COL27A1: variants seen among roughly 807,000 people sequenced by gnomAD.
COL27A1 encodes the protein collagen type XXVII alpha 1 chain.
A neutral mutation model predicts 251.3 loss-of-function variants in COL27A1; 106 were observed. That is an observed-to-expected ratio of 0.42 (90% confidence interval 0.36 to 0.50). The LOEUF is 0.50. Ranked by LOEUF, COL27A1 falls within the 20% of genes least tolerant of loss-of-function variation. COL27A1 has a pLI of 0.00. For synonymous variants in COL27A1, 1,000 were observed against 986.3 expected, an observed-to-expected ratio of 1.01 and a Z score of -0.26; for missense variants, 2,325 against 2,522.8, an observed-to-expected ratio of 0.92 and a Z score of 1.68.
chr9:114,179,185 A>T (rs1027995768), intron 4 of COL27A1, among the ~76,000 whole-genome samples: 4 of 152,226 alleles, frequency 2.6e-5, no homozygotes, highest in Admixed American at 6.5e-5. Context: ...GCATATTTTT[A>T]GCTCTGAGCC....
At chr9:114,300,989 C>T in intron 51 of COL27A1, 83 bp from the exon 52 acceptor site, 1 of 1,378,042 alleles carries the variant, frequency 7.3e-7, no homozygotes, top group South Asian at 1.4e-5. Context: ...CCTTGCGACG[C>T]TCGGGCTGCC....
At position 114,196,024 on chromosome 9, in the gene COL27A1, T is replaced by C; in HGVS notation, c.2124+12T>C. 1 of 1,613,516 alleles carries C rather than the reference T, an allele frequency of 6.2e-7. No individual in the cohort carries two copies. ...CTCCGGGACGAAAGGTACTGTTTGG[T>C]TTTGATGCTTTGCCTTGCGCAGTGG... On this transcript the variant is annotated intron_variant, in intron 7 of 60. Coordinates refer to ENST00000356083, the MANE Select transcript of COL27A1 (RefSeq NM_032888.4).
At chr9:114,216,535 C>G (rs1375087597) in intron 12 of COL27A1, among the ~76,000 whole-genome samples, 1 of 152,140 alleles carries the variant, frequency 6.6e-6, no homozygotes, top group East Asian at 1.9e-4. Context: ...AGGGATGAGG[C>G]AAGGTAGTGG....
chr9:114,284,670 C>A lies in COL27A1; in HGVS notation c.3934-54C>A, dbSNP rs1827333361. ...GTATCCCCATCTTGGAGTCCATGTC[C>A]TTTGTCCTTCCTGAGTCCTCATTCT... is the stretch of plus-strand genomic sequence containing the variant. On this transcript the variant is annotated intron_variant, in intron 40 of 60. Coordinates refer to ENST00000356083, the MANE Select transcript of COL27A1 (RefSeq NM_032888.4). 40 of 1,589,236 alleles carry A rather than the reference C, an allele frequency of 2.5e-5. 2 individuals carry two copies. In the South Asian group the frequency reaches 4.1e-4, roughly 16 times the overall value.
rs1827688098 is a variant in COL27A1 at position 114,288,698 on chromosome 9, T to C, written c.4045-4T>C. The C allele has an allele frequency of 6.2e-7, 1 of 1,608,274 alleles. No homozygotes were observed. Among genetic ancestry groups the C allele is most frequent in the Admixed American group, 1.7e-5 (1 of 59,744 alleles). ...CAAATTTTGCTGTTGTCTTTGTCAT[T>C]CAGGGCCCTGTGGGTGATCGAGGAG... On this transcript the variant is annotated splice_region_variant and splice_polypyrimidine_tract_variant and intron_variant, in intron 42 of 60. Transcript: ENST00000356083.
intron 27 of COL27A1, among the ~76,000 whole-genome samples, chr9:114,253,321 G>GAAAGAAAGAAAGAAAGAAAGAA (rs1564527551): frequency 1.0e-5 from 1 of 96,250 alleles, no homozygotes; most frequent in Admixed American, 9.5e-5. Flanking sequence ...GAAAGAAAGA[G>GAAAGAAAGAAAGAAAGAAAGAA]AGAGGAAGGG....
At chr9:114,208,371 C>T (rs1420373866) in intron 10 of COL27A1, among the ~76,000 whole-genome samples, 1 of 152,218 alleles carries the variant, frequency 6.6e-6, no homozygotes, top group East Asian at 1.9e-4. Context: ...ATCGCTTGAA[C>T]CCGGTAAGCA....
chr9:114,252,517 C>T, intron 25 of COL27A1, 76 bp from the exon 26 acceptor site: 1 of 1,258,620 alleles, frequency 7.9e-7, no homozygotes, highest in Non-Finnish European at 1.2e-6. Context: ...CTCTGGATGG[C>T]CCTCTGCACC....
intron 5 of COL27A1, among the ~76,000 whole-genome samples, chr9:114,184,595 C>G (rs906961332): frequency 2.6e-5 from 4 of 152,200 alleles, no homozygotes; most frequent in African/African-American, 9.6e-5. Flanking sequence ...CCTGGAGGTG[C>G]TCTGGGCTTT....
intron 12 of COL27A1, among the ~76,000 whole-genome samples, chr9:114,214,141 C>G (rs1176454304): frequency 6.6e-6 from 1 of 152,188 alleles, no homozygotes; most frequent in Non-Finnish European, 1.5e-5. Flanking sequence ...GTCTGCCATG[C>G]CTCTCAGCCT....
chr9:114,194,259 G>A (rs1476915487), intron 5 of COL27A1, 145 bp from the exon 6 acceptor site: 1 of 788,368 alleles, frequency 1.3e-6, no homozygotes, highest in South Asian at 1.4e-5. Flanking sequence ...AGTAGAATTG[G>A]AGAAGACCCT....
chr9:114,194,917 C>A (rs1024850458), intron 6 of COL27A1, among the ~76,000 whole-genome samples: 1 of 152,212 alleles, frequency 6.6e-6, no homozygotes, highest in South Asian at 2.1e-4. Flanking sequence ...TCAGGGCTCC[C>A]TAACTCTGAA....
In COL27A1 at chr9:114,275,620, T is replaced by A. The variant is rs181114470; in HGVS notation, c.3610-41T>A. The A allele has an allele frequency of 7.2e-5, 100 of 1,388,758 alleles. No homozygotes were observed. In the African/African-American group the frequency reaches 1.3e-3, roughly 18 times the overall value. 86.0% of individuals were successfully genotyped at this position (1,388,758 alleles called of 1,614,324 possible). ...CCTCTGATGCACTTGGCAACTAACT[T>A]ATTCTCTCTCTCTCTCCCCTCTTCA... On this transcript the variant is annotated intron_variant, in intron 36 of 60. Transcript: ENST00000356083.
At chr9:114,264,179 G>A (rs556339926) in intron 28 of COL27A1, among the ~76,000 whole-genome samples, 176 bp from the exon 29 acceptor site, 3 of 152,320 alleles carry the variant, frequency 2.0e-5, no homozygotes, top group East Asian at 1.9e-4. Flanking sequence ...GAGCTGTCTC[G>A]AAGGCGCTGC....
chr9:114,159,150 C>A (rs1203840485), intron 1 of COL27A1, among the ~76,000 whole-genome samples: 1 of 152,156 alleles, frequency 6.6e-6, no homozygotes, highest in East Asian at 1.9e-4. Flanking sequence ...CTGTAATAGG[C>A]CTTCAGGGCT....
rs1554786437 is a variant in COL27A1, at chr9:114,166,444, T to TATCCATCCATCCGTCCGTCC, written c.134-1233_134-1232insGTCCGTCCATCCATCCATCC. ...CCATTCATCCATCCATCCATTCATC[T>TATCCATCCATCCGTCCGTCC]ATCCATCCATCCATCCATCCATCCA... On this transcript the variant is annotated intron_variant, in intron 2 of 60. Coordinates refer to ENST00000356083, the MANE Select transcript of COL27A1 (RefSeq NM_032888.4). 9.2e-5 allele frequency among the ~76,000 whole-genome samples: 13 copies of TATCCATCCATCCGTCCGTCC among 140,858 alleles called. 1 individual carries two copies. Among genetic ancestry groups the TATCCATCCATCCGTCCGTCC allele is most frequent in the Non-Finnish European group, 2.0e-4 (13 of 65,226 alleles). 92.4% of individuals were successfully genotyped at this position (140,858 alleles called of 152,430 possible).
At chr9:114,278,643 T>G (rs1835715000) in intron 37 of COL27A1, among the ~76,000 whole-genome samples, 1 of 150,050 alleles carries the variant, frequency 6.7e-6, no homozygotes, top group Non-Finnish European at 1.5e-5. Context: ...GTAGTGGTGA[T>G]GATGATGGTG....
At chr9:114,222,574 C>T (rs1279749245) in intron 14 of COL27A1, among the ~76,000 whole-genome samples, 1 of 152,190 alleles carries the variant, frequency 6.6e-6, no homozygotes, top group African/African-American at 2.4e-5. Flanking sequence ...CACAAGATTG[C>T]CAAAGCCCTT....
At chr9:114,178,453 C>T (rs903457254) in intron 4 of COL27A1, 109 bp downstream of exon 4, 21 of 955,984 alleles carry the variant, frequency 2.2e-5, no homozygotes, top group African/African-American at 3.3e-5. Context: ...TTCCCTCCCC[C>T]TCTCTGGCAC....
Sources: gnomAD v4.1 joint callset for allele counts (sites outside exome capture counted in the v4.1 genomes callset) on GRCh38, gnomAD v4.1.1 for gene constraint, MANE v1.5 for transcripts, NCBI Gene and HGNC (gene_info 2026-07-23, HGNC 2026-07-21) for gene names.